ARHGEF3: variants seen among roughly 807,000 people sequenced by gnomAD.
ARHGEF3 encodes 59.8 kDA protein.
In ARHGEF3, 28 loss-of-function variants were observed where a neutral mutation model predicts 63.2. That is an observed-to-expected ratio of 0.44 (90% confidence interval 0.33 to 0.61). The LOEUF is 0.61. ARHGEF3 is among the 20% of genes least tolerant of loss of function. The probability of loss-of-function intolerance (pLI) is 0.03; values close to 1 mark genes in which losing one functional copy is unlikely to be tolerated. For missense variants in ARHGEF3, 533 were observed against 659.3 expected (o/e 0.81, Z 2.10); for synonymous variants, 266 against 254.2 (o/e 1.05, Z -0.44).
intron 1 of ARHGEF3, among the ~76,000 whole-genome samples, chr3:56,786,582 TAACA>T (rs1578509169): frequency 6.6e-6 from 1 of 152,226 alleles, no homozygotes; most frequent in Admixed American, 6.5e-5. Flanking sequence ...CAAAGGTTCA[TAACA>T]AACACTGGCT....
chr3:57,002,498 T>TATATATATATA (rs747886010), intron 2 of ARHGEF3, among the ~76,000 whole-genome samples: 7 of 13,500 alleles, frequency 5.2e-4, no homozygotes, highest in African/African-American at 1.3e-3. Flanking sequence ...TATATATATG[T>TATATATATATA]TATATATATA....
At chr3:56,882,444 G>T (rs2040798292) in intron 3 of ARHGEF3, 1 of 1,016,064 alleles carries the variant, frequency 9.8e-7, no homozygotes. Context: ...AATAGCACAT[G>T]CAATCCTTAT....
At chr3:57,024,866 C>T (rs1446192177) in intron 2 of ARHGEF3, among the ~76,000 whole-genome samples, 1 of 152,200 alleles carries the variant, frequency 6.6e-6, no homozygotes, top group Non-Finnish European at 1.5e-5. Context: ...TCAATCTGAT[C>T]TAAAACAAAA....
chr3:56,779,540 T>G (rs867258160), intron 1 of ARHGEF3, among the ~76,000 whole-genome samples: 1 of 152,198 alleles, frequency 6.6e-6, no homozygotes, highest in African/African-American at 2.4e-5. Context: ...TCGCGCAGGC[T>G]GGAGTGCAGT....
At chr3:57,052,401 A>G (rs1382927761) in intron 1 of ARHGEF3, among the ~76,000 whole-genome samples, 1 of 152,066 alleles carries the variant, frequency 6.6e-6, no homozygotes, top group Non-Finnish European at 1.5e-5. Context: ...GGTTCAAGCA[A>G]TTCTCCTGCC....
intron 3 of ARHGEF3, among the ~76,000 whole-genome samples, chr3:56,919,904 C>T (rs2042082835): frequency 6.6e-6 from 1 of 152,174 alleles, no homozygotes; most frequent in African/African-American, 2.4e-5. Context: ...AAGCTTACTT[C>T]AGAGCTCCTG....
chr3:56,860,591 C>A (rs2108187155), intron 4 of ARHGEF3, among the ~76,000 whole-genome samples: 1 of 152,304 alleles, frequency 6.6e-6, no homozygotes, highest in South Asian at 2.1e-4. Flanking sequence ...ACAGTGGGTT[C>A]TTTTGGTGAC....
intron 7 of ARHGEF3, among the ~76,000 whole-genome samples, chr3:56,744,133 A>G (rs1435845070): frequency 1.3e-5 from 2 of 151,998 alleles, no homozygotes; most frequent in Non-Finnish European, 2.9e-5. Flanking sequence ...AGGACCCCTA[A>G]CCCCAGGCCA....
intron 3 of ARHGEF3, among the ~76,000 whole-genome samples, chr3:56,929,407 C>T (rs2042354788): frequency 6.6e-6 from 1 of 152,188 alleles, no homozygotes; most frequent in Admixed American, 6.5e-5. Context: ...ACTGAGTCGA[C>T]AGTATCTGCA....
intron 2 of ARHGEF3, among the ~76,000 whole-genome samples, chr3:57,033,185 G>A (rs1423726549): frequency 6.6e-6 from 1 of 152,192 alleles, no homozygotes; most frequent in Non-Finnish European, 1.5e-5. Context: ...AGGATGAACT[G>A]GTGATGTTTC....
At chr3:57,002,485 A>ATATATATGT (rs1553802505) in intron 2 of ARHGEF3, among the ~76,000 whole-genome samples, 1 of 45,080 alleles carries the variant, frequency 2.2e-5, no homozygotes, top group Non-Finnish European at 4.3e-5. Context: ...TATGTTATAT[A>ATATATATGT]TATATATATA....
At chr3:56,756,545 CTTTTTTTTTTTTTTT>C (rs35251607) in intron 2 of ARHGEF3, among the ~76,000 whole-genome samples, 4 of 100,074 alleles carry the variant, frequency 4.0e-5, no homozygotes, top group Non-Finnish European at 7.7e-5. Context: ...TCATAGCTGG[CTTTTTTTTTTTTTTT>C]TTTTTTTGAG....
At chr3:56,853,313 G>C (rs1407313641) in intron 4 of ARHGEF3, among the ~76,000 whole-genome samples, 2 of 152,078 alleles carry the variant, frequency 1.3e-5, no homozygotes, top group Admixed American at 6.6e-5. Flanking sequence ...CTGCTCAACA[G>C]TTATTGCTCA....
chr3:56,836,153 C>T (rs2039099677), intron 4 of ARHGEF3, among the ~76,000 whole-genome samples: 1 of 152,122 alleles, frequency 6.6e-6, no homozygotes, highest in Admixed American at 6.5e-5. Flanking sequence ...GGCTGAGTTA[C>T]CAATTTTTGG....
At chr3:56,773,927 C>G (rs2036150341) in intron 1 of ARHGEF3, 111 bp from the exon 2 acceptor site, 2 of 851,868 alleles carry the variant, frequency 2.3e-6, no homozygotes, top group Non-Finnish European at 3.5e-6. Context: ...GTACACTGAT[C>G]TATGGAATAT....
intron 1 of ARHGEF3, among the ~76,000 whole-genome samples, chr3:57,072,093 T>C (rs1358629356): frequency 3.3e-5 from 5 of 151,870 alleles, no homozygotes; most frequent in African/African-American, 1.2e-4. Flanking sequence ...CCACTTAGGA[T>C]GGCAATAATC....
chr3:56,764,297 C>T lies in ARHGEF3; in HGVS notation c.205-9146G>A, dbSNP rs141351664. Among the ~76,000 whole-genome samples the T allele has an allele frequency of 2.1e-3, 315 of 152,194 alleles. 1 individual carries two copies. Among genetic ancestry groups the T allele is most frequent in the Middle Eastern group, 6.8e-3 (2 of 294 alleles). ...GTAGCTCAACCATCTTCATTGGGCA[C>T]CATAAAATGGCTTTTGCATGAGAAT... On this transcript the variant is annotated intron_variant, in intron 2 of 9. Transcript: ENST00000296315.
chr3:56,732,434 A>G lies in ARHGEF3; in HGVS notation c.1042-10T>C. ...GGAAAACATGCAGTTTCTAGAAGAA[A>G]AAAATCCACAAGCTTTCATTAAGCA... On this transcript the variant is annotated splice_polypyrimidine_tract_variant and intron_variant, in intron 8 of 9. Coordinates refer to ENST00000296315, the MANE Select transcript of ARHGEF3 (RefSeq NM_019555.3). 6.2e-7 allele frequency: 1 copy of G among 1,614,114 alleles called. No homozygotes were observed. The highest frequency in any genetic ancestry group is 1.3e-5 in the African/African-American group (1 of 75,052).
intron 2 of ARHGEF3, among the ~76,000 whole-genome samples, chr3:56,996,890 ATTT>A (rs534187681): frequency 4.4e-5 from 6 of 136,496 alleles, no homozygotes; most frequent in African/African-American, 1.4e-4. Context: ...TATTATTATT[ATTT>A]TTTTTTTTTT....
Sources: gnomAD v4.1 joint callset for allele counts (sites outside exome capture counted in the v4.1 genomes callset) on GRCh38, gnomAD v4.1.1 for gene constraint, MANE v1.5 for transcripts, NCBI Gene and HGNC (gene_info 2026-07-23, HGNC 2026-07-21) for gene names.